HCN4: variants seen among roughly 807,000 people sequenced by gnomAD.
HCN4 encodes the protein hyperpolarization activated cyclic nucleotide gated potassium channel 4.
A neutral mutation model predicts 76.9 loss-of-function variants in HCN4; 29 were observed. The observed-to-expected ratio is 0.38, with a 90% CI of 0.28 to 0.51. The LOEUF (loss-of-function observed/expected upper bound fraction) is 0.51. HCN4 is among the 20% of genes least tolerant of loss of function. The pLI, the probability that HCN4 is intolerant of heterozygous loss-of-function variation, is 0.90. For missense variants in HCN4, 1,416 were observed against 1,715.2 expected (o/e 0.83, Z 3.08); for synonymous variants, 772 against 762.5 (o/e 1.01, Z -0.21).
intron 1 of HCN4, among the ~76,000 whole-genome samples, chr15:73,357,270 T>G (rs891762814): frequency 1.1e-4 from 16 of 152,180 alleles, no homozygotes; most frequent in African/African-American, 3.6e-4. Context: ...AGTCTTCTAC[T>G]GGTAGGATTC....
chr15:73,350,462 C>T (rs2043050960), intron 1 of HCN4, among the ~76,000 whole-genome samples: 1 of 152,204 alleles, frequency 6.6e-6, no homozygotes. Context: ...TCATCTCTGT[C>T]CCCTGATCCT....
rs1436011282 is a variant in HCN4, at chr15:73,329,575, T to C, written c.1588A>G (p.Lys530Glu). 6.2e-7 allele frequency: 1 copy of C among 1,613,974 alleles called. No individual in the cohort carries two copies. The highest frequency in any genetic ancestry group is 8.5e-7 in the Non-Finnish European group (1 of 1,179,944). The change falls in exon 4 of 8, where the codon AAG becomes GAG. Residue 530 changes from lysine to glutamate, a missense_variant and splice_region_variant. Physicochemically the swap from Lys to Glu is moderately conservative, Grantham distance 56. Transcript: ENST00000261917. ...LDSSRRQYQE[K>E]YKQVEQYMSF... The stretch of plus-strand genomic sequence containing the variant: ...GGGTGCTCCCTGGGTAGACCTACCT[T>C]TTCCTGGTACTGGCGCCGGGAGGAG...
At chr15:73,339,673 G>T (rs1220678490) in intron 2 of HCN4, among the ~76,000 whole-genome samples, 1 of 152,234 alleles carries the variant, frequency 6.6e-6, no homozygotes, top group Non-Finnish European at 1.5e-5. Context: ...CTCATAGAGG[G>T]ACTTGAAAGA....
chr15:73,345,487 C>A (rs1005560297), intron 1 of HCN4, among the ~76,000 whole-genome samples: 8 of 152,244 alleles, frequency 5.3e-5, no homozygotes, highest in Admixed American at 2.6e-4. Flanking sequence ...CCAACTAAGG[C>A]CTGAGGACCC....
chr15:73,350,718 C>T (rs997073557), intron 1 of HCN4, among the ~76,000 whole-genome samples: 4 of 152,140 alleles, frequency 2.6e-5, no homozygotes, highest in African/African-American at 9.7e-5. Context: ...TTCTACCTGC[C>T]CTTTTGATAC....
At position 73,323,889 on chromosome 15, in the gene HCN4, T is replaced by G; in HGVS notation, c.2204A>C (p.Asn735Thr). The G allele has an allele frequency of 6.2e-7, 1 of 1,603,972 alleles. No homozygotes were observed. The highest frequency in any genetic ancestry group is 8.5e-7 in the Non-Finnish European group (1 of 1,179,950). Residue 735 changes from asparagine (N) to threonine (T), a missense_variant, in exon 8 of 8, where the codon AAC becomes ACC. Physicochemically the swap from Asn to Thr is moderately conservative, Grantham distance 65. Coordinates refer to ENST00000261917, the MANE Select transcript of HCN4 (RefSeq NM_005477.3). ...CTGGATGATCTCATTCTCCTGGTAG[T>G]TGAAGACGCCGGAGTTGAGGTCGTG... ...VQHDLNSGVF[N>T]YQENEIIQQI... is the part of the protein sequence containing the mutation.
intron 1 of HCN4, among the ~76,000 whole-genome samples, chr15:73,360,110 G>T (rs1247587844): frequency 6.6e-6 from 1 of 152,230 alleles, no homozygotes; most frequent in African/African-American, 2.4e-5. Flanking sequence ...CCCTTCTCAT[G>T]GGAGCAGCCT....
chr15:73,347,463 G>T (rs991157399), intron 1 of HCN4, among the ~76,000 whole-genome samples: 4 of 152,208 alleles, frequency 2.6e-5, no homozygotes, highest in Non-Finnish European at 4.4e-5. Context: ...AAGAGGATTT[G>T]GGGGGCCCAT....
rs369418464 is a variant in HCN4, at chr15:73,367,743, G to A, written c.528C>T (p.Ser176=). ...CCACCGAGGGCTGCTCGCAGGAGGCGGAGGCCGGCTGCGGTGGCTGCTGGG... is the reference window on the plus strand; with the variant it reads ...CCACCGAGGGCTGCTCGCAGGAGGCAGAGGCCGGCTGCGGTGGCTGCTGGG... The part of the protein sequence containing the change: ...PPPQQPPQPA[S]ASCEQPSVDT... Residue 176 remains serine, a synonymous_variant, in exon 1 of 8, where the codon TCC becomes TCT. Transcript: ENST00000261917. The surrounding 1 kb of genome is among the most constrained non-coding windows in gnomAD (Gnocchi z 7.5). 1.4e-5 allele frequency: 22 copies of A among 1,578,760 alleles called. No individual in the cohort carries two copies. Among genetic ancestry groups the A allele is most frequent in the African/African-American group, 1.1e-4 (8 of 74,398 alleles).
chr15:73,365,175 T>G (rs926316155), intron 1 of HCN4, among the ~76,000 whole-genome samples: 1 of 152,114 alleles, frequency 6.6e-6, no homozygotes, highest in Non-Finnish European at 1.5e-5. Flanking sequence ...TTTCGAAGCT[T>G]AGAAGAATTA....
In HCN4 at chr15:73,330,660, C is replaced by A. The variant is rs189167414; in HGVS notation, c.1372-869G>T. On this transcript the variant is annotated intron_variant, in intron 3 of 7. Coordinates refer to ENST00000261917, the MANE Select transcript of HCN4 (RefSeq NM_005477.3). Reference sequence around the variant, plus strand: ...AGATGCATGAGCCACAGTGCAGAAACCTACCCAGGCCCACAGAGCACCTGC... The same window carrying A: ...AGATGCATGAGCCACAGTGCAGAAAACTACCCAGGCCCACAGAGCACCTGC... Among the ~76,000 whole-genome samples the A allele has an allele frequency of 7.9e-5, 12 of 152,276 alleles. No individual in the cohort carries two copies. In the East Asian group the frequency reaches 2.3e-3, roughly 30 times the overall value.
At position 73,368,568 on chromosome 15, in the gene HCN4, C is replaced by T. The variant is rs1050755993; in HGVS notation, c.-298G>A. 1.3e-5 allele frequency: 3 copies of T among 225,030 alleles called. No individual in the cohort carries two copies. Among genetic ancestry groups the T allele is most frequent in the African/African-American group, 4.6e-5 (2 of 43,732 alleles). The allele number at this position is 225,030 out of a possible 1,614,324, so 13.9% of individuals were successfully genotyped here. The stretch of plus-strand genomic sequence containing the variant: ...TGGCGTTCAGGGGCGCGGCGCGCCG[C>T]CCGGCTCCAGGCGCCCCGCCCCCGC... On this transcript the variant is annotated 5_prime_UTR_variant, in exon 1 of 8. Coordinates refer to ENST00000261917, the MANE Select transcript of HCN4 (RefSeq NM_005477.3). This position sits in a 1 kb window ranked among gnomAD's most constrained non-coding sequence, Gnocchi z 6.9.
intron 1 of HCN4, among the ~76,000 whole-genome samples, chr15:73,348,448 A>AT (rs1206566448): frequency 3.3e-5 from 5 of 152,294 alleles, no homozygotes; most frequent in African/African-American, 9.6e-5. Context: ...CCATGAATAC[A>AT]TTTTTTGTAA....
In HCN4 at chr15:73,323,571, G is replaced by A. The variant is rs200546024; in HGVS notation, c.2522C>T (p.Ser841Leu). The change falls in exon 8 of 8, where the codon TCG becomes TTG. Residue 841 changes from serine to leucine, a missense_variant. This residue lies in a region of HCN4 where 633 missense variants were observed against 579.8 expected (regional missense o/e 1.09). Transcript: ENST00000261917. The stretch of plus-strand genomic sequence containing the variant: ...CACCTGGGACGGGCTGCTGGCGGGC[G>A]AGGCGGAGCCCAGCGCAGAAGGGAT... Reference protein sequence around the residue: ...SLIPSALGSASPASSPSQVDT... With the variant: ...SLIPSALGSALPASSPSQVDT... 6.1e-5 allele frequency: 98 copies of A among 1,600,672 alleles called. No individual in the cohort carries two copies. Among genetic ancestry groups the A allele is most frequent in the South Asian group, 6.6e-5 (6 of 91,086 alleles).
chr15:73,334,785 A>G (rs770342872), intron 2 of HCN4, among the ~76,000 whole-genome samples: 2 of 152,142 alleles, frequency 1.3e-5, no homozygotes, highest in East Asian at 3.9e-4. Flanking sequence ...CACACCCGTC[A>G]TAGACGCAAG....
intron 4 of HCN4, among the ~76,000 whole-genome samples, chr15:73,327,357 C>T (rs1357848088): frequency 6.6e-6 from 1 of 151,946 alleles, no homozygotes; most frequent in African/African-American, 2.4e-5. Flanking sequence ...GTGATCTGCC[C>T]GCCTTGGCCT....
chr15:73,363,366 C>G (rs188693817), intron 1 of HCN4, among the ~76,000 whole-genome samples: 6 of 152,202 alleles, frequency 3.9e-5, no homozygotes, highest in Admixed American at 3.3e-4. Flanking sequence ...CCTTTCCCCC[C>G]TCAGGCATCT....
At position 73,319,889 on chromosome 15, in the gene HCN4, T is replaced by C. The variant is rs1248758494; in HGVS notation, c.*2592A>G. The stretch of plus-strand genomic sequence containing the variant: ...GAATTTTTTTTATTTAAATAAAATA[T>C]ACAATACGGCGCATTTACCGGTTTC... On this transcript the variant is annotated 3_prime_UTR_variant, in exon 8 of 8. Coordinates refer to ENST00000261917, the MANE Select transcript of HCN4 (RefSeq NM_005477.3). The C allele has an allele frequency of 1.3e-5, 2 of 152,240 alleles. No individual in the cohort carries two copies. Among genetic ancestry groups the C allele is most frequent in the Admixed American group, 1.3e-4 (2 of 15,284 alleles). The allele number at this position is 152,240 out of a possible 1,614,324, so 9.4% of individuals were successfully genotyped here. A position where few individuals can be genotyped will look rare whatever the true frequency, so the allele number is the denominator to read the frequency against.
At chr15:73,351,213 C>T (rs2043053853) in intron 1 of HCN4, among the ~76,000 whole-genome samples, 2 of 152,178 alleles carry the variant, frequency 1.3e-5, no homozygotes, top group South Asian at 4.1e-4. Context: ...GAACGGCCTC[C>T]TTTCCCTCGG....
Sources: allele counts gnomAD v4.1 joint callset (sites outside exome capture counted in the v4.1 genomes callset), GRCh38; gene constraint gnomAD v4.1.1; regional missense constraint gnomAD v4.1.1; non-coding constraint Gnocchi (gnomAD v3.1); transcripts MANE v1.5; gene names NCBI Gene and HGNC (gene_info 2026-07-23, HGNC 2026-07-21).